Variants in PRKCZ observed in about 807,000 individuals in gnomAD.
PRKCZ encodes protein kinase C zeta type.
In PRKCZ, 33 loss-of-function variants were observed where a neutral mutation model predicts 79.5. The ratio of observed to expected loss-of-function variants is 0.41; its 90% CI spans 0.31 to 0.55. The LOEUF is 0.55. Ranked by LOEUF, PRKCZ falls within the 20% of genes least tolerant of loss-of-function variation. The probability of loss-of-function intolerance (pLI) is 0.19; values close to 1 mark genes in which losing one functional copy is unlikely to be tolerated. For missense variants in PRKCZ, 578 were observed against 813.5 expected (o/e 0.71, Z 3.52); for synonymous variants, 342 against 320.9 (o/e 1.07, Z -0.70).
chr1:2,131,161 C>A (rs1674879044), intron 4 of PRKCZ, among the ~76,000 whole-genome samples: 1 of 152,186 alleles, frequency 6.6e-6, no homozygotes. Context: ...GCAAATTTGT[C>A]CCCGTGGCGC....
intron 7 of PRKCZ, among the ~76,000 whole-genome samples, chr1:2,147,638 T>A (rs948284352): frequency 1.3e-5 from 2 of 151,430 alleles, no homozygotes; most frequent in African/African-American, 4.9e-5. Flanking sequence ...GACCTCTCCA[T>A]CTATCCATCC....
chr1:2,086,083 ACGGAGTCTTGCTCTGT>A, intron 4 of PRKCZ, among the ~76,000 whole-genome samples: 1 of 143,802 alleles, frequency 7.0e-6, no homozygotes, highest in Non-Finnish European at 1.5e-5. Flanking sequence ...TTAAATTGAG[ACGGAGTCTTGCTCTGT>A]CGCCCAGGCT....
At chr1:2,182,043 C>T (rs199568829) in intron 16 of PRKCZ, 7 of 345,010 alleles carry the variant, frequency 2.0e-5, no homozygotes, top group Admixed American at 3.9e-5. Context: ...CGCCCTGACA[C>T]GTGTCCAGCC....
chr1:2,166,329 G>A (rs1460619101), intron 10 of PRKCZ, among the ~76,000 whole-genome samples: 1 of 152,196 alleles, frequency 6.6e-6, no homozygotes, highest in Non-Finnish European at 1.5e-5. Flanking sequence ...TGAAGCCGGA[G>A]GATTGCCTGA....
At chr1:2,061,000 A>G (rs547848356) in intron 4 of PRKCZ, among the ~76,000 whole-genome samples, 2 of 152,228 alleles carry the variant, frequency 1.3e-5, no homozygotes, top group African/African-American at 2.4e-5. Context: ...ACATAAACAC[A>G]TAAATAGGAC....
chr1:2,080,908 C>T (rs1277856769), intron 4 of PRKCZ, among the ~76,000 whole-genome samples: 1 of 152,194 alleles, frequency 6.6e-6, no homozygotes, highest in Admixed American at 6.5e-5. Context: ...GGGTTTGCCT[C>T]ATGTTTTTCT....
rs1359871846 is a variant in PRKCZ at position 2,173,343 on chromosome 1, ACAGCGG to A, written c.1286-548_1286-543del. Among the ~76,000 whole-genome samples, 3 of 152,150 alleles carry A rather than the reference ACAGCGG, an allele frequency of 2.0e-5. No individual in the cohort carries two copies. Among genetic ancestry groups the A allele is most frequent in the Non-Finnish European group, 4.4e-5 (3 of 68,018 alleles). On this transcript the variant is annotated intron_variant, in intron 13 of 17. Coordinates refer to ENST00000378567, the MANE Select transcript of PRKCZ (RefSeq NM_002744.6). This position sits in a 1 kb window ranked among gnomAD's most constrained non-coding sequence, Gnocchi z 5.7. ...GCTTGGGATGGGGATTCCGTGTGGG[ACAGCGG>A]CAGCGTCTCACCTCAGCAGGGACCA...
At chr1:2,163,726 TA>T (rs1383094797) in intron 10 of PRKCZ, among the ~76,000 whole-genome samples, 1 of 134,764 alleles carries the variant, frequency 7.4e-6, no homozygotes, top group Admixed American at 7.8e-5. Flanking sequence ...CCGTCTCTAC[TA>T]AAAATACAAA....
chr1:2,096,820 C>T (rs1469765433), intron 4 of PRKCZ, among the ~76,000 whole-genome samples: 3 of 152,202 alleles, frequency 2.0e-5, no homozygotes, highest in Non-Finnish European at 2.9e-5. Context: ...TCATCCAGAC[C>T]TCGCTCTGCA....
chr1:2,122,747 C>T (rs1222026480), intron 4 of PRKCZ, among the ~76,000 whole-genome samples: 7 of 2,716 alleles, frequency 2.6e-3, no homozygotes, highest in East Asian at 0.015. Flanking sequence ...AGGGTCGTGG[C>T]GGTGGTTAGG....
At chr1:2,095,355 G>C (rs1367526848) in intron 4 of PRKCZ, among the ~76,000 whole-genome samples, 2 of 152,148 alleles carry the variant, frequency 1.3e-5, no homozygotes, top group Non-Finnish European at 2.9e-5. Flanking sequence ...GCCCCATGCT[G>C]TCCTCTGCCT....
chr1:2,089,766 C>T (rs941341232), intron 4 of PRKCZ, among the ~76,000 whole-genome samples: 3 of 152,120 alleles, frequency 2.0e-5, no homozygotes, highest in Non-Finnish European at 2.9e-5. Context: ...CCACAGATGG[C>T]GGCTCACACG....
intron 4 of PRKCZ, among the ~76,000 whole-genome samples, chr1:2,105,390 G>A (rs1230622469): frequency 6.6e-6 from 1 of 152,160 alleles, no homozygotes; most frequent in Non-Finnish European, 1.5e-5. Context: ...TTGGCCAAGG[G>A]TCACGTTAGG....
At chr1:2,067,413 G>T (rs1454655665) in intron 4 of PRKCZ, among the ~76,000 whole-genome samples, 2 of 152,226 alleles carry the variant, frequency 1.3e-5, no homozygotes, top group African/African-American at 4.8e-5. Context: ...GGACACTGGT[G>T]GGGGCTGGGT....
In PRKCZ at chr1:2,056,561, C is replaced by T. The variant is rs761074095; in HGVS notation, c.271C>T (p.Leu91Phe). 4 of 1,613,362 alleles carry T rather than the reference C, an allele frequency of 2.5e-6. No individual in the cohort carries two copies. Among genetic ancestry groups the T allele is most frequent in the Non-Finnish European group, 3.4e-6 (4 of 1,179,708 alleles). ...RLARQCRDEG[L>F]IIHVFPSTPE... ...GGCCCGTCAGTGCAGGGATGAAGGC[C>T]TCATCATTCATGGTTAGTGGCGGGG... Residue 91 changes from leucine to phenylalanine, a missense_variant, in exon 3 of 18, where the codon CTC (leucine) becomes TTC (phenylalanine). Transcript: ENST00000378567.
rs527336609 is a variant in PRKCZ at position 2,178,390 on chromosome 1, C to G, written c.1575+3077C>G. On this transcript the variant is annotated intron_variant, in intron 16 of 17. Transcript: ENST00000378567. The surrounding 1 kb of genome is among the most constrained non-coding windows in gnomAD (Gnocchi z 4.3). ...GCCTCCTTCCTGCGCTGAACCCCACCCACTGCGTCCACTGCGTGGAGACTG... is the reference window on the plus strand; with the variant it reads ...GCCTCCTTCCTGCGCTGAACCCCACGCACTGCGTCCACTGCGTGGAGACTG... Among the ~76,000 whole-genome samples, 121 of 152,340 alleles carry G rather than the reference C, an allele frequency of 7.9e-4. No individual in the cohort carries two copies. Among genetic ancestry groups the G allele is most frequent in the Non-Finnish European group, 1.3e-3 (90 of 68,022 alleles).
chr1:2,073,965 G>A lies in PRKCZ; in HGVS notation c.334+14374G>A, dbSNP rs538549256. On this transcript the variant is annotated intron_variant, in intron 4 of 17. Transcript: ENST00000378567. ...GGCATCTCCCCCGTGGATTTTCCGCGCCCCCGGGGCCGGGCCAGCCGTGCT... is the reference window on the plus strand; with the variant it reads ...GGCATCTCCCCCGTGGATTTTCCGCACCCCCGGGGCCGGGCCAGCCGTGCT... The A allele has an allele frequency of 6.1e-5, 84 of 1,380,244 alleles. 1 individual carries two copies. Among genetic ancestry groups the A allele is most frequent in the South Asian group, 3.0e-4 (19 of 63,704 alleles). The allele number at this position is 1,380,244 out of a possible 1,614,324, so 85.5% of individuals were successfully genotyped here. A position where few individuals can be genotyped will look rare whatever the true frequency, so the allele number is the denominator to read the frequency against.
Position 2,056,552 on chromosome 1 carries a change from G to C in PRKCZ, c.262G>C (p.Asp88His). The change falls in exon 3 of 18, where the codon GAT becomes CAT. Residue 88 changes from aspartate to histidine, a missense_variant. Asp to His is a moderately conservative substitution (Grantham distance 81). Around this residue, in one of 4 missense-constraint regions of PRKCZ, gnomAD observed 228 missense variants for 211.6 expected, o/e 1.08. Transcript: ENST00000378567. ...TTTCCGCCTGGCCCGTCAGTGCAGG[G>C]ATGAAGGCCTCATCATTCATGGTTA... ...EAFRLARQCR[D>H]EGLIIHVFPS... 6.2e-7 allele frequency: 1 copy of C among 1,613,898 alleles called. No individual in the cohort carries two copies. Among genetic ancestry groups the C allele is most frequent in the Non-Finnish European group, 8.5e-7 (1 of 1,179,922 alleles).
Position 2,172,840 on chromosome 1 carries a change from TG to T in PRKCZ, c.1285+453del, listed in dbSNP as rs1557736691. 6.6e-6 allele frequency among the ~76,000 whole-genome samples: 1 copy of T among 151,506 alleles called. No homozygotes were observed. The highest frequency in any genetic ancestry group is 1.5e-5 in the Non-Finnish European group (1 of 67,970). ...TCTGCTCCTCTCCCCTCTCTGGGCG[TG>T]AAACGGGGACATGGGCACGCGTGTG... On this transcript the variant is annotated intron_variant, in intron 13 of 17. Transcript: ENST00000378567. This position sits in a 1 kb window ranked among gnomAD's most constrained non-coding sequence, Gnocchi z 7.8.
Sources: allele counts gnomAD v4.1 joint callset (sites outside exome capture counted in the v4.1 genomes callset), GRCh38; gene constraint gnomAD v4.1.1; regional missense constraint gnomAD v4.1.1; non-coding constraint Gnocchi (gnomAD v3.1); transcripts MANE v1.5; gene names NCBI Gene and HGNC (gene_info 2026-07-23, HGNC 2026-07-21).